The following PSD3 variants were observed in gnomAD, a reference collection of about 807,000 sequenced individuals.
The protein encoded by PSD3 is PH and SEC7 domain-containing protein 3.
Under a neutral mutation model 105.5 loss-of-function variants are expected in PSD3, and 49 were observed. That is an observed-to-expected ratio of 0.46 (90% CI 0.37 to 0.59). The LOEUF is 0.59. Ranked by LOEUF, PSD3 falls within the 20% of genes least tolerant of loss-of-function variation. The pLI is 0.00. For missense variants in PSD3, 1,561 were observed against 1,263.8 expected (o/e 1.24, Z -3.57); for synonymous variants, 557 against 457.8 (o/e 1.22, Z -2.77).
At position 19,074,592 on chromosome 8, in the gene PSD3, CATAT is replaced by C. The variant is rs1240382273; in HGVS notation, c.324+9610_324+9613del. On this transcript the variant is annotated intron_variant, in intron 1 of 1. Coordinates refer to the PSD3 transcript ENST00000521475. ...TATAATTTTACAACTCAGATATATA[CATAT>C]ATATATATATATATATTTTTTTTTT... Among the ~76,000 whole-genome samples, 13 of 66,000 alleles carry C rather than the reference CATAT, an allele frequency of 2.0e-4. 2 individuals carry two copies. Among genetic ancestry groups the C allele is most frequent in the South Asian group, 1.0e-3 (2 of 1,924 alleles). 43.3% of individuals were successfully genotyped at this position (66,000 alleles called of 152,430 possible).
intron 12 of PSD3, among the ~76,000 whole-genome samples, chr8:18,593,963 G>A (rs1188296864): frequency 7.6e-5 from 8 of 105,402 alleles, no homozygotes; most frequent in South Asian, 3.6e-4. Context: ...ATCACACACC[G>A]GGGCCTGTTG....
intron 2 of PSD3, among the ~76,000 whole-genome samples, chr8:18,913,854 C>T (rs1586407511): frequency 6.6e-6 from 1 of 152,102 alleles, no homozygotes; most frequent in Non-Finnish European, 1.5e-5. Context: ...AGGCCAGCCA[C>T]TGCGAACTCA....
intron 1 of PSD3, among the ~76,000 whole-genome samples, chr8:19,056,419 T>C (rs980993008): frequency 6.6e-6 from 1 of 152,182 alleles, no homozygotes. Flanking sequence ...CGTTGTACAA[T>C]TATAAAGAAA....
intron 1 of PSD3, among the ~76,000 whole-genome samples, chr8:18,990,834 C>T (rs1825751352): frequency 6.6e-6 from 1 of 152,138 alleles, no homozygotes; most frequent in Non-Finnish European, 1.5e-5. Context: ...AACAGATCAA[C>T]CAAGCTGCAG....
chr8:18,880,578 C>T (rs747179043), intron 2 of PSD3, among the ~76,000 whole-genome samples: 2 of 152,288 alleles, frequency 1.3e-5, no homozygotes, highest in East Asian at 3.9e-4. Flanking sequence ...GCATCTCCCA[C>T]GACACTCTAC....
intron 9 of PSD3, among the ~76,000 whole-genome samples, chr8:18,738,461 T>C (rs1804315197): frequency 1.3e-5 from 2 of 152,172 alleles, no homozygotes; most frequent in African/African-American, 2.4e-5. Flanking sequence ...GCCTATGATG[T>C]TTATACTGTG....
chr8:18,604,819 C>T (rs888039544), intron 11 of PSD3, among the ~76,000 whole-genome samples: 3 of 152,214 alleles, frequency 2.0e-5, no homozygotes, highest in Admixed American at 2.0e-4. Flanking sequence ...CTGGGTACAG[C>T]TTGGGCTGCT....
At chr8:18,664,237 T>C (rs114107782) in intron 9 of PSD3, among the ~76,000 whole-genome samples, 326 of 152,346 alleles carry the variant, frequency 2.1e-3, no homozygotes, top group African/African-American at 7.5e-3. Flanking sequence ...GTGAGGTTTC[T>C]TGCACCAGTT....
At chr8:19,063,149 C>T (rs1828960171) in intron 1 of PSD3, among the ~76,000 whole-genome samples, 1 of 152,184 alleles carries the variant, frequency 6.6e-6, no homozygotes, top group Non-Finnish European at 1.5e-5. Context: ...CTGTAAGACG[C>T]ACCTGTTCTC....
chr8:19,052,589 G>C (rs1160331712), intron 1 of PSD3, among the ~76,000 whole-genome samples: 1 of 152,164 alleles, frequency 6.6e-6, no homozygotes, highest in Non-Finnish European at 1.5e-5. Context: ...CTCTAGCTGT[G>C]CTTTATTACC....
At chr8:18,591,914 A>G (rs1320936103) in intron 12 of PSD3, among the ~76,000 whole-genome samples, 1 of 152,100 alleles carries the variant, frequency 6.6e-6, no homozygotes, top group African/African-American at 2.4e-5. Context: ...AGTTCCCTAA[A>G]ATCTGTTGCA....
At chr8:18,948,345 T>C (rs1021105487) in intron 1 of PSD3, among the ~76,000 whole-genome samples, 4 of 152,186 alleles carry the variant, frequency 2.6e-5, no homozygotes, top group African/African-American at 9.7e-5. Flanking sequence ...GCTCTCCACG[T>C]TGGGAGAGCA....
At chr8:18,656,904 A>G (rs566154052) in intron 9 of PSD3, among the ~76,000 whole-genome samples, 1 of 152,344 alleles carries the variant, frequency 6.6e-6, no homozygotes, top group Non-Finnish European at 1.5e-5. Context: ...AATTTTAAGT[A>G]AGATGTTATA....
At chr8:18,745,964 A>G (rs1428840797) in intron 9 of PSD3, among the ~76,000 whole-genome samples, 1 of 152,248 alleles carries the variant, frequency 6.6e-6, no homozygotes, top group Non-Finnish European at 1.5e-5. Context: ...ATAGAGGCAG[A>G]CAAATGCCTA....
intron 14 of PSD3, among the ~76,000 whole-genome samples, chr8:18,569,080 C>A (rs932326862): frequency 5.4e-5 from 7 of 130,648 alleles, no homozygotes; most frequent in Non-Finnish European, 9.9e-5. Context: ...TGTATATGTG[C>A]CACATTTTCT....
intron 1 of PSD3, among the ~76,000 whole-genome samples, chr8:18,997,409 T>C (rs1237082180): frequency 1.3e-5 from 2 of 151,848 alleles, no homozygotes; most frequent in African/African-American, 2.4e-5. Flanking sequence ...AAACATACCA[T>C]GGTGGTCCAA....
At chr8:18,579,519 T>C (rs937442535) in intron 12 of PSD3, among the ~76,000 whole-genome samples, 1 of 152,190 alleles carries the variant, frequency 6.6e-6, no homozygotes, top group African/African-American at 2.4e-5. Context: ...TGTAACAGGA[T>C]TCATTAGAGC....
intron 4 of PSD3, among the ~76,000 whole-genome samples, chr8:18,850,722 T>C (rs17127316): frequency 0.038 from 5,736 of 152,148 alleles, 350 homozygotes; most frequent in African/African-American, 0.13. Flanking sequence ...GTCTTGTAGC[T>C]CAACCCCCTC....
chr8:18,990,469 C>G (rs569960589), intron 1 of PSD3, among the ~76,000 whole-genome samples: 38 of 152,218 alleles, frequency 2.5e-4, no homozygotes, highest in Non-Finnish European at 4.4e-4. Flanking sequence ...TATGCTTCCT[C>G]TGGCCAGCGC....
Sources: gnomAD v4.1 joint callset for allele counts (sites outside exome capture counted in the v4.1 genomes callset) on GRCh38, gnomAD v4.1.1 for gene constraint, MANE v1.5 for transcripts, NCBI Gene and HGNC (gene_info 2026-07-23, HGNC 2026-07-21) for gene names.